NPR2: variants seen among roughly 807,000 people sequenced by gnomAD.
NPR2 encodes natriuretic peptide receptor 2.
NPR2 carries 49 observed loss-of-function variants against 120.7 expected under a neutral mutation model. The observed-to-expected ratio is 0.41, with a 90% confidence interval of 0.32 to 0.52. The LOEUF (loss-of-function observed/expected upper bound fraction) is 0.52. Ranked by LOEUF, NPR2 falls within the 20% of genes least tolerant of loss-of-function variation. The probability of loss-of-function intolerance (pLI) is 0.36; values close to 1 mark genes in which losing one functional copy is unlikely to be tolerated. For missense variants in NPR2, 931 were observed against 1,362.9 expected (o/e 0.68, Z 4.99); for synonymous variants, 484 against 519.8 (o/e 0.93, Z 0.94).
chr9:35,807,294 C>T (rs1828451279), intron 17 of NPR2, 36 bp from the exon 18 acceptor site: 1 of 1,579,408 alleles, frequency 6.3e-7, no homozygotes, highest in African/African-American at 1.3e-5. Flanking sequence ...AAATTGGGCA[C>T]AAGTCTCAGG....
rs751492925 is a variant in NPR2, at chr9:35,802,171, T to C, written c.1633-35T>C. 30 of 1,441,546 alleles carry C rather than the reference T, an allele frequency of 2.1e-5. No individual in the cohort carries two copies. In the East Asian group the frequency reaches 6.3e-4, roughly 30 times the overall value. The allele number at this position is 1,441,546 out of a possible 1,614,324, so 89.3% of individuals were successfully genotyped here. Reference sequence around the variant, plus strand: ...TTCCTTGTACCCAGAACTTCTGATATTCACTTTCCTTTCCCCTTTCACTCC... The same window carrying C: ...TTCCTTGTACCCAGAACTTCTGATACTCACTTTCCTTTCCCCTTTCACTCC... On this transcript the variant is annotated intron_variant, in intron 9 of 21. Transcript: ENST00000342694. This position sits in a 1 kb window ranked among gnomAD's most constrained non-coding sequence, Gnocchi z 4.2.
chr9:35,794,167 A>C, intron 2 of NPR2, 64 bp downstream of exon 2: 2 of 1,483,284 alleles, frequency 1.3e-6, no homozygotes, highest in Non-Finnish European at 1.8e-6. Context: ...ATTCTCTCTC[A>C]CAAGACCCTA....
chr9:35,803,124 G>A (rs1828238743), intron 12 of NPR2, among the ~76,000 whole-genome samples: 2 of 80,708 alleles, frequency 2.5e-5, no homozygotes, highest in African/African-American at 1.7e-4. Context: ...TTTTTTTTGA[G>A]ACGGAGTCTC....
At chr9:35,801,032 G>A (rs766486776) in intron 6 of NPR2, 38 bp from the exon 7 acceptor site, 33 of 1,581,744 alleles carry the variant, frequency 2.1e-5, no homozygotes, top group South Asian at 5.5e-5. Context: ...TGCCAAGTCC[G>A]CACACAGTCT....
chr9:35,807,997 T>C (rs1235851397), intron 18 of NPR2: 1 of 607,528 alleles, frequency 1.6e-6, no homozygotes, highest in Non-Finnish European at 2.9e-6. Context: ...GGATAACTAC[T>C]TTATCCCTAA....
chr9:35,809,284 GA>G lies in NPR2; in HGVS notation c.3078+38del. On this transcript the variant is annotated intron_variant, in intron 21 of 21. Coordinates refer to ENST00000342694, the MANE Select transcript of NPR2 (RefSeq NM_003995.4). The surrounding 1 kb of genome is among the most constrained non-coding windows in gnomAD (Gnocchi z 4.1). ...CCATGGGGAGGGGGGCATGGAAAGGGAGGGTGAAAGTGATTATGGGAATCAT... is the reference window on the plus strand; with the variant it reads ...CCATGGGGAGGGGGGCATGGAAAGGGGGGTGAAAGTGATTATGGGAATCAT... 6.2e-6 allele frequency: 10 copies of G among 1,610,846 alleles called. No homozygotes were observed. The highest frequency in any genetic ancestry group is 8.5e-6 in the Non-Finnish European group (10 of 1,177,372).
Position 35,808,182 on chromosome 9 carries a change from T to C in NPR2, c.2713-327T>C. ...GGCCTGCTTTACCTCCTCACCAGCC[T>C]CTGTCCTCTTGAGTTACCGTTTTCT... On this transcript the variant is annotated intron_variant, in intron 18 of 21. Transcript: ENST00000342694. The surrounding 1 kb of genome is among the most constrained non-coding windows in gnomAD (Gnocchi z 4.0). The C allele has an allele frequency of 6.2e-7, 1 of 1,613,862 alleles. No homozygotes were observed. Among genetic ancestry groups the C allele is most frequent in the South Asian group, 1.1e-5 (1 of 91,074 alleles).
Position 35,792,378 on chromosome 9 carries a change from C to A in NPR2, c.-31C>A. The A allele has an allele frequency of 2.5e-6, 4 of 1,603,508 alleles. No individual in the cohort carries two copies. The highest frequency in any genetic ancestry group is 1.3e-5 in the African/African-American group (1 of 74,854). On this transcript the variant is annotated 5_prime_UTR_variant, in exon 1 of 22. The change creates a new upstream start codon in the 5' untranslated region. Coordinates refer to ENST00000342694, the MANE Select transcript of NPR2 (RefSeq NM_003995.4). ...CTGTAGGCCAGAGCAGCCCCAAGTT[C>A]TGGGGGCGGTGGGGCTGCTGCTTTA...
intron 1 of NPR2, 82 bp downstream of exon 1, chr9:35,793,157 G>A (rs768864422): frequency 7.2e-7 from 1 of 1,387,298 alleles, no homozygotes; most frequent in Non-Finnish European, 9.6e-7. Flanking sequence ...AACTGTAGAT[G>A]GAGATAGGCA....
At chr9:35,803,295 G>A (rs1828245005) in intron 12 of NPR2, among the ~76,000 whole-genome samples, 2 of 101,094 alleles carry the variant, frequency 2.0e-5, no homozygotes, top group South Asian at 5.5e-4. Context: ...TAGTAGAGAC[G>A]GGGTTTCACC....
chr9:35,803,189 C>T lies in NPR2; in HGVS notation c.1887+386C>T, dbSNP rs551742533. 1.4e-4 allele frequency among the ~76,000 whole-genome samples: 12 copies of T among 83,290 alleles called. 3 individuals carry two copies. Among genetic ancestry groups the T allele is most frequent in the African/African-American group, 6.2e-4 (8 of 12,854 alleles). 54.6% of individuals were successfully genotyped at this position (83,290 alleles called of 152,430 possible). ...CGGGATCTCGGCTCACTGCAAGCTCCGCCTCCCGGGTTCACGCCATTCTCC... is the reference window on the plus strand; with the variant it reads ...CGGGATCTCGGCTCACTGCAAGCTCTGCCTCCCGGGTTCACGCCATTCTCC... On this transcript the variant is annotated intron_variant, in intron 12 of 21. Coordinates refer to ENST00000342694, the MANE Select transcript of NPR2 (RefSeq NM_003995.4).
At chr9:35,795,048 T>A (rs78996150) in intron 2 of NPR2, among the ~76,000 whole-genome samples, 1 of 152,178 alleles carries the variant, frequency 6.6e-6, no homozygotes, top group Non-Finnish European at 1.5e-5. Flanking sequence ...ACTCTGTTCA[T>A]TTCACTCCTG....
chr9:35,799,287 C>CT (rs1828048358), intron 2 of NPR2, among the ~76,000 whole-genome samples: 1 of 152,016 alleles, frequency 6.6e-6, no homozygotes, highest in Non-Finnish European at 1.5e-5. Context: ...TGGAAGGGAG[C>CT]TCTGGAAGAT....
In NPR2 at chr9:35,792,853, C is replaced by G; in HGVS notation, c.445C>G (p.Leu149Val). Residue 149 changes from leucine (L) to valine (V), a missense_variant, in exon 1 of 22, where the codon CTG (leucine) becomes GTG (valine). Coordinates refer to ENST00000342694, the MANE Select transcript of NPR2 (RefSeq NM_003995.4). ...LVRTGPSAPKLGEFVVTLHGH... is the reference protein window; with the variant it reads ...LVRTGPSAPKVGEFVVTLHGH... ...TCGCACTGGCCCCTCTGCTCCCAAG[C>G]TGGGTGAGTTTGTGGTGACACTACA... 2 of 1,614,192 alleles carry G rather than the reference C, an allele frequency of 1.2e-6. No individual in the cohort carries two copies. Among genetic ancestry groups the G allele is most frequent in the South Asian group, 2.2e-5 (2 of 91,086 alleles).
chr9:35,800,400 C>A lies in NPR2; in HGVS notation c.1135C>A (p.Leu379Met). Reference protein sequence around the residue: ...QGRRYHGVTGLVVMDKNNDRE... With the variant: ...QGRRYHGVTGMVVMDKNNDRE... Reference sequence around the variant, plus strand: ...CTTTTCTGTCTTAGGTGTAACTGGGCTGGTTGTCATGGACAAGAACAATGA... The same window carrying A: ...CTTTTCTGTCTTAGGTGTAACTGGGATGGTTGTCATGGACAAGAACAATGA... The change falls in exon 5 of 22, where the codon CTG (leucine) becomes ATG (methionine). Residue 379 changes from leucine to methionine, a missense_variant. Physicochemically the swap from Leu to Met is conservative, Grantham distance 15 (BLOSUM62 2). This residue lies in a region of NPR2 where 681 missense variants were observed against 974.3 expected (regional missense o/e 0.70). Coordinates refer to ENST00000342694, the MANE Select transcript of NPR2 (RefSeq NM_003995.4). The surrounding 1 kb of genome is among the most constrained non-coding windows in gnomAD (Gnocchi z 4.7). 1 of 1,613,896 alleles carries A rather than the reference C, an allele frequency of 6.2e-7. No homozygotes were observed.
chr9:35,792,250 T>A lies in NPR2; in HGVS notation c.-159T>A. 2.0e-5 allele frequency: 8 copies of A among 390,568 alleles called. No homozygotes were observed. Among genetic ancestry groups the A allele is most frequent in the East Asian group, 5.8e-5 (1 of 17,112 alleles). 24.2% of individuals were successfully genotyped at this position (390,568 alleles called of 1,614,324 possible). ...GCCTTCCTCCCATCTCCCCCTCCTC[T>A]CCCCGGCCCCCAGCACCTTCTGCAT... On this transcript the variant is annotated 5_prime_UTR_variant, in exon 1 of 22. Transcript: ENST00000342694.
chr9:35,801,275 C>T, intron 7 of NPR2, 121 bp downstream of exon 7: 1 of 795,296 alleles, frequency 1.3e-6, no homozygotes, highest in East Asian at 2.5e-5. Context: ...TGCTGGTTGT[C>T]TCTTAGATCC....
At position 35,794,834 on chromosome 9, in the gene NPR2, TTG is replaced by T. The variant is rs59763394; in HGVS notation, c.873+752_873+753del. On this transcript the variant is annotated intron_variant, in intron 2 of 21. Coordinates refer to ENST00000342694, the MANE Select transcript of NPR2 (RefSeq NM_003995.4). Reference sequence around the variant, plus strand: ...ACTTGAATTTGGGGTCCTTGACTTTTTGTGTGTGTGTGTGTGTGTGTGGAGAT... The same window carrying T: ...ACTTGAATTTGGGGTCCTTGACTTTTTGTGTGTGTGTGTGTGTGTGGAGAT... Among the ~76,000 whole-genome samples the T allele has an allele frequency of 9.4e-4, 141 of 149,652 alleles. No individual in the cohort carries two copies. The South Asian group carries it at 0.011, about 12-fold the overall frequency.
chr9:35,806,094 C>T lies in NPR2; in HGVS notation c.2233C>T (p.Arg745Trp), dbSNP rs1828366931. The change falls in exon 15 of 22, where the codon CGG becomes TGG. Residue 745 changes from arginine to tryptophan, a missense_variant. This residue lies in a region of NPR2 where 681 missense variants were observed against 974.3 expected (regional missense o/e 0.70). Coordinates refer to ENST00000342694, the MANE Select transcript of NPR2 (RefSeq NM_003995.4). The surrounding 1 kb of genome is among the most constrained non-coding windows in gnomAD (Gnocchi z 4.6). Reference sequence around the variant, plus strand: ...TGTCCAGAAGGTACGAAATGGTCAGCGGCCATATTTCCGGCCAAGCATTGA... The same window carrying T: ...TGTCCAGAAGGTACGAAATGGTCAGTGGCCATATTTCCGGCCAAGCATTGA... ...EIVQKVRNGQ[R>W]PYFRPSIDRT... 3.7e-6 allele frequency: 6 copies of T among 1,614,126 alleles called. No homozygotes were observed. The South Asian group carries it at 4.4e-5, about 12-fold the overall frequency.
Sources: gnomAD v4.1 joint callset for allele counts (sites outside exome capture counted in the v4.1 genomes callset) on GRCh38, gnomAD v4.1.1 for gene constraint, gnomAD v4.1.1 regional missense constraint, Gnocchi (gnomAD v3.1) non-coding constraint, MANE v1.5 for transcripts, NCBI Gene and HGNC (gene_info 2026-07-23, HGNC 2026-07-21) for gene names.